TENT5D: variants seen among roughly 807,000 people sequenced by gnomAD.
TENT5D encodes terminal nucleotidyltransferase 5D.
For synonymous variants in TENT5D, 103 were observed against 100.6 expected (o/e 1.02, Z -0.15); for missense variants, 191 against 287.0 (o/e 0.67, Z 2.42).
At chrX:80,415,017 A>G (rs1426600124) in intron 3 of TENT5D, among the ~76,000 whole-genome samples, 1 of 111,799 alleles carries the variant, frequency 8.9e-6, no homozygotes, top group African/African-American at 3.2e-5. Context: ...CTCCCTGCTT[A>G]GATGTATTCC....
intron 1 of TENT5D, among the ~76,000 whole-genome samples, chrX:80,424,343 G>A (rs944082377): frequency 3.6e-5 from 4 of 111,999 alleles, no homozygotes; most frequent in Non-Finnish European, 7.5e-5. Context: ...CTAGTTATGC[G>A]TGTTAAGATT....
intron 3 of TENT5D, among the ~76,000 whole-genome samples, chrX:80,379,206 CAT>C (rs776011645): frequency 9.5e-6 from 1 of 105,584 alleles, no homozygotes; most frequent in South Asian, 4.5e-4. Flanking sequence ...TTGAGATAAT[CAT>C]GTGGTTTTTG....
intron 3 of TENT5D, among the ~76,000 whole-genome samples, chrX:80,381,504 G>A (rs2147531878): frequency 8.9e-6 from 1 of 111,747 alleles, no homozygotes; most frequent in African/African-American, 3.2e-5. Context: ...ATGTTGACCT[G>A]CCTTGCTAGG....
chrX:80,337,911 C>T (rs1398963037), intron 2 of TENT5D, among the ~76,000 whole-genome samples: 2 of 110,408 alleles, frequency 1.8e-5, no homozygotes, highest in Non-Finnish European at 3.8e-5. Context: ...ACTACAGGCC[C>T]ACGCCGCCAC....
chrX:80,431,029 A>G (rs1441009419), intron 1 of TENT5D, among the ~76,000 whole-genome samples: 1 of 111,692 alleles, frequency 9.0e-6, no homozygotes, highest in Non-Finnish European at 1.9e-5. Flanking sequence ...TTCCCTTCCT[A>G]TGGCCCCAGT....
At chrX:80,402,380 T>C (rs780746438) in intron 3 of TENT5D, among the ~76,000 whole-genome samples, 4 of 112,149 alleles carry the variant, frequency 3.6e-5, no homozygotes, top group Non-Finnish European at 5.6e-5. Context: ...TGTATTATTT[T>C]TCTAGTTGTG....
At chrX:80,382,293 G>T (rs1271647517) in intron 3 of TENT5D, among the ~76,000 whole-genome samples, 1 of 112,009 alleles carries the variant, frequency 8.9e-6, no homozygotes, top group African/African-American at 3.2e-5. Flanking sequence ...AGAGGCTGCA[G>T]AATAGCAAAT....
At chrX:80,370,367 T>G (rs1930600712) in intron 3 of TENT5D, among the ~76,000 whole-genome samples, 1 of 111,982 alleles carries the variant, frequency 8.9e-6, no homozygotes, top group Non-Finnish European at 1.9e-5. Flanking sequence ...TTTTTTGACT[T>G]AAAGTACTTT....
At chrX:80,405,575 A>G (rs1931470304) in intron 3 of TENT5D, among the ~76,000 whole-genome samples, 1 of 112,361 alleles carries the variant, frequency 8.9e-6, no homozygotes, top group African/African-American at 3.2e-5. Flanking sequence ...CCACGAGATT[A>G]TATCTCGCAC....
At chrX:80,397,924 A>G (rs1409221587) in intron 3 of TENT5D, among the ~76,000 whole-genome samples, 2 of 111,176 alleles carry the variant, frequency 1.8e-5, no homozygotes, top group Admixed American at 9.4e-5. Flanking sequence ...CCGTGGAAAG[A>G]GAGGGAGACG....
At chrX:80,388,896 T>A (rs1931074049) in intron 3 of TENT5D, among the ~76,000 whole-genome samples, 1 of 111,363 alleles carries the variant, frequency 9.0e-6, no homozygotes, top group Non-Finnish European at 1.9e-5. Flanking sequence ...GTGGCAAGGC[T>A]TGCTGGAACT....
At chrX:80,442,912 A>G in exon 3 of TENT5D, 2 of 1,211,419 alleles carry the variant, frequency 1.7e-6, no homozygotes, top group Non-Finnish European at 2.2e-6. Flanking sequence ...CTCCCCAGAT[A>G]TCATGAAAGA....
intron 3 of TENT5D, among the ~76,000 whole-genome samples, chrX:80,346,059 AC>A (rs1930052484): frequency 8.9e-6 from 1 of 112,177 alleles, no homozygotes; most frequent in Non-Finnish European, 1.9e-5. Flanking sequence ...CATTTGACTG[AC>A]CCTGGTAATC....
At chrX:80,420,815 A>G (rs1337112466) in intron 1 of TENT5D, among the ~76,000 whole-genome samples, 1 of 112,064 alleles carries the variant, frequency 8.9e-6, no homozygotes, top group African/African-American at 3.2e-5. Context: ...AGAGTAAGAG[A>G]TAAAAGACAT....
chrX:80,411,646 A>G (rs1348994791), intron 3 of TENT5D, among the ~76,000 whole-genome samples: 1 of 112,363 alleles, frequency 8.9e-6, no homozygotes, highest in African/African-American at 3.2e-5. Flanking sequence ...TTTTAATAAG[A>G]ACACATTTCT....
In TENT5D at chrX:80,387,500, A is replaced by G. The variant is rs1056060968; in HGVS notation, c.-142+44936A>G. Among the ~76,000 whole-genome samples the G allele has an allele frequency of 8.0e-5, 9 of 112,289 alleles. No individual in the cohort carries two copies. In the East Asian group the frequency reaches 8.5e-4, roughly 11 times the overall value. On this transcript the variant is annotated intron_variant, in intron 3 of 4. Coordinates refer to the TENT5D transcript ENST00000538312. The stretch of plus-strand genomic sequence containing the variant: ...AACACTGTGGTTCTTGAAAACTTGT[A>G]TTATGTACCAGCTTGCTGGTCTTGG...
chrX:80,375,430 TATTGTAATAGGTGCTC>T (rs1220645041), intron 3 of TENT5D, among the ~76,000 whole-genome samples: 4 of 111,297 alleles, frequency 3.6e-5, no homozygotes, highest in African/African-American at 1.3e-4. Flanking sequence ...TAAAGTGTCT[TATTGTAATAGGTGCTC>T]AATAAGCATG....
intron 3 of TENT5D, among the ~76,000 whole-genome samples, chrX:80,358,450 A>G (rs1387686749): frequency 8.9e-6 from 1 of 112,473 alleles, no homozygotes; most frequent in African/African-American, 3.2e-5. Context: ...AAATGGAATA[A>G]AAAGGAACTA....
intron 3 of TENT5D, among the ~76,000 whole-genome samples, chrX:80,359,322 A>G (rs1395714260): frequency 8.9e-6 from 1 of 111,803 alleles, no homozygotes; most frequent in Non-Finnish European, 1.9e-5. Flanking sequence ...AGAATTATAA[A>G]TCATTCTACT....
Sources: gnomAD v4.1 joint callset for allele counts (sites outside exome capture counted in the v4.1 genomes callset) on GRCh38, gnomAD v4.1.1 for gene constraint, MANE v1.5 for transcripts, NCBI Gene and HGNC (gene_info 2026-07-23, HGNC 2026-07-21) for gene names.